The following AXDND1 variants were observed in gnomAD, a reference collection of about 807,000 sequenced individuals.
AXDND1 encodes axonemal dynein light chain domain-containing protein 1.
A neutral mutation model predicts 137.5 loss-of-function variants in AXDND1; 110 were observed. The ratio of observed to expected loss-of-function variants is 0.80; its 90% CI spans 0.69 to 0.94. The LOEUF is 0.94. Among genes scored for constraint, AXDND1 ranks in the 40% least tolerant of loss-of-function variants. AXDND1 has a pLI of 0.00. For missense variants in AXDND1, 1,191 were observed against 1,169.8 expected, an observed-to-expected ratio of 1.02 and a Z score of -0.26; for synonymous variants, 414 against 399.7, an observed-to-expected ratio of 1.04 and a Z score of -0.43.
intron 9 of AXDND1, among the ~76,000 whole-genome samples, chr1:179,390,829 G>A (rs1450998988): frequency 1.3e-5 from 2 of 151,560 alleles, no homozygotes; most frequent in Admixed American, 6.6e-5. Context: ...TTTTTGAGAT[G>A]GAGTTTCGAT....
chr1:179,403,047 A>G (rs961830553), intron 11 of AXDND1, among the ~76,000 whole-genome samples: 3 of 152,212 alleles, frequency 2.0e-5, no homozygotes, highest in Non-Finnish European at 2.9e-5. Flanking sequence ...AAAAACCTAC[A>G]TATAACTTTT....
intron 20 of AXDND1, chr1:179,506,768 T>C: frequency 1.4e-6 from 1 of 713,228 alleles, no homozygotes; most frequent in Non-Finnish European, 1.7e-6. Flanking sequence ...CCATTTGGTC[T>C]CATCTCTGCC....
intron 4 of AXDND1, 80 bp from the exon 5 acceptor site, chr1:179,378,557 A>T (rs746894569): frequency 2.7e-6 from 3 of 1,116,990 alleles, no homozygotes; most frequent in Non-Finnish European, 3.7e-6. Context: ...CATTAGAAGG[A>T]TATGTGTGGA....
chr1:179,528,543 C>G, intron 23 of AXDND1, 112 bp downstream of exon 23: 1 of 528,560 alleles, frequency 1.9e-6, no homozygotes, highest in South Asian at 4.2e-5. Flanking sequence ...ATTCCTAAGT[C>G]ATGTATTTTA....
chr1:179,384,981 C>G (rs927942294), intron 8 of AXDND1, among the ~76,000 whole-genome samples: 2 of 152,146 alleles, frequency 1.3e-5, no homozygotes, highest in African/African-American at 4.8e-5. Context: ...CCAGGCTGGT[C>G]TCAAGCTCCT....
chr1:179,548,588 G>C (rs1314377513), intron 25 of AXDND1: 1 of 152,156 alleles, frequency 6.6e-6, no homozygotes, highest in Non-Finnish European at 1.5e-5. Context: ...CCGTGCAAAA[G>C]CCAGAATTAT....
chr1:179,449,444 G>A (rs555193071), intron 16 of AXDND1: 6 of 165,142 alleles, frequency 3.6e-5, no homozygotes, highest in African/African-American at 9.6e-5. Context: ...TTTCAAAATC[G>A]AGAAGTATGA....
chr1:179,533,792 CAG>C lies in AXDND1; in HGVS notation c.2720_2721del, dbSNP rs775800248. The C allele has an allele frequency of 1.9e-6, 3 of 1,606,152 alleles. No individual in the cohort carries two copies. Among genetic ancestry groups the C allele is most frequent in the East Asian group, 2.2e-5 (1 of 44,776 alleles). Reference sequence around the variant, plus strand: ...CATTCATATCTCATATTTCCTCTGTCAGAGAGAGTCAGCTAAGCAAGGTACAT... The same window carrying C: ...CATTCATATCTCATATTTCCTCTGTCAGAGAGTCAGCTAAGCAAGGTACAT... On this transcript the variant is annotated splice_acceptor_variant, in intron 23 of 25. Coordinates refer to ENST00000367618, the MANE Select transcript of AXDND1 (RefSeq NM_144696.6). LOFTEE classifies it high-confidence loss of function.
chr1:179,479,108 AT>A (rs560026691), intron 17 of AXDND1, among the ~76,000 whole-genome samples: 29 of 152,102 alleles, frequency 1.9e-4, no homozygotes, highest in South Asian at 4.1e-4. Flanking sequence ...TCTCAAAAAA[AT>A]AATAATAAAA....
intron 11 of AXDND1, among the ~76,000 whole-genome samples, chr1:179,408,576 C>T (rs551201763): frequency 1.4e-4 from 22 of 152,176 alleles, no homozygotes; most frequent in South Asian, 1.2e-3. Context: ...GATGGGTTTT[C>T]GCCATGTTGG....
chr1:179,470,726 C>G (rs4540611), intron 17 of AXDND1, among the ~76,000 whole-genome samples: 132,594 of 152,084 alleles, frequency 0.87, 57,917 homozygotes, highest in East Asian at 0.9. Context: ...CCTATAAATA[C>G]AAGTAGTTTC....
At chr1:179,366,879 TA>T (rs1354831262) in intron 2 of AXDND1, among the ~76,000 whole-genome samples, 1 of 152,244 alleles carries the variant, frequency 6.6e-6, no homozygotes, top group Non-Finnish European at 1.5e-5. Context: ...TATCAATAGT[TA>T]CGTATTTTTT....
chr1:179,381,109 C>T (rs975927266), intron 6 of AXDND1, among the ~76,000 whole-genome samples: 2 of 142,932 alleles, frequency 1.4e-5, no homozygotes, highest in African/African-American at 2.6e-5. Flanking sequence ...GGCATGATCT[C>T]GGCTCACTGC....
Position 179,430,590 on chromosome 1 carries a change from T to C in AXDND1, c.1471T>C (p.Trp491Arg). ...LKIVKDGLIK[W>R]QEFFNEKDIL... ...AATTGTTAAGGATGGGCTTATCAAA[T>C]GGCAGGAGTTCTTCAAGTGAGTCAC... Residue 491 changes from tryptophan to arginine, a missense_variant, in exon 14 of 26, where the codon TGG becomes CGG. Transcript: ENST00000367618. 2 of 1,610,230 alleles carry C rather than the reference T, an allele frequency of 1.2e-6. No homozygotes were observed. The highest frequency in any genetic ancestry group is 1.7e-6 in the Non-Finnish European group (2 of 1,179,012).
In AXDND1 at chr1:179,524,903, C is replaced by T. The variant is rs544307345; in HGVS notation, c.2497-431C>T. Among the ~76,000 whole-genome samples, 7 of 152,302 alleles carry T rather than the reference C, an allele frequency of 4.6e-5. No homozygotes were observed. The East Asian group carries it at 1.2e-3, about 25-fold the overall frequency. On this transcript the variant is annotated intron_variant, in intron 21 of 25. Transcript: ENST00000367618. ...ATCTCCCTGGCTTGACAGTCTAGCC[C>T]TTTCTCTCTGATTGCACTCCTATTC...
At chr1:179,519,330 A>T (rs1398455053) in intron 21 of AXDND1, among the ~76,000 whole-genome samples, 1 of 152,112 alleles carries the variant, frequency 6.6e-6, no homozygotes, top group Non-Finnish European at 1.5e-5. Context: ...CCCATTCTGT[A>T]GGTTGTCTGT....
intron 11 of AXDND1, among the ~76,000 whole-genome samples, chr1:179,407,751 T>G (rs922296515): frequency 1.4e-4 from 22 of 152,162 alleles, no homozygotes; most frequent in African/African-American, 4.8e-4. Flanking sequence ...AAATTTGGGT[T>G]GGGGATCTTT....
rs1670736762 is a variant in AXDND1 at position 179,528,359 on chromosome 1, C to G, written c.2643C>G (p.Leu881=). 3.1e-6 allele frequency: 5 copies of G among 1,613,742 alleles called. No homozygotes were observed. In the Middle Eastern group the frequency reaches 4.9e-4, roughly 159 times the overall value. ...CAACATCTACAGAGAAGGAAAAACT[C>G]ATTCGATTCATTGGAGAAGATGAAA... is the stretch of plus-strand genomic sequence containing the variant. The part of the protein sequence containing the change: ...QPSTSTEKEK[L]IRFIGEDENV... The change falls in exon 23 of 26, where the codon CTC becomes CTG. Residue 881 remains leucine, a synonymous_variant. Transcript: ENST00000367618.
chr1:179,431,574 T>A lies in AXDND1; in HGVS notation c.1488-693T>A, dbSNP rs570336060. On this transcript the variant is annotated intron_variant, in intron 14 of 25. Coordinates refer to ENST00000367618, the MANE Select transcript of AXDND1 (RefSeq NM_144696.6). Reference sequence around the variant, plus strand: ...TGATTTCTAAGGTTTTTTTTTTTTTTTAAATTTTAAGATGCTTTGTCTGTT... The same window carrying A: ...TGATTTCTAAGGTTTTTTTTTTTTTATAAATTTTAAGATGCTTTGTCTGTT... 1.0e-3 allele frequency among the ~76,000 whole-genome samples: 158 copies of A among 152,080 alleles called. 1 individual carries two copies. Among genetic ancestry groups the A allele is most frequent in the African/African-American group, 3.6e-3 (148 of 41,510 alleles).
Sources: allele counts gnomAD v4.1 joint callset (sites outside exome capture counted in the v4.1 genomes callset), GRCh38; gene constraint gnomAD v4.1.1; transcripts MANE v1.5; gene names NCBI Gene and HGNC (gene_info 2026-07-23, HGNC 2026-07-21).